The following FER1L6 variants were observed in gnomAD, a reference collection of about 807,000 sequenced individuals.
FER1L6 encodes fer-1 like family member 6.
In FER1L6, 177 loss-of-function variants were observed where a neutral mutation model predicts 219.2. The ratio of observed to expected loss-of-function variants is 0.81; its 90% CI spans 0.71 to 0.91. The LOEUF (loss-of-function observed/expected upper bound fraction) is 0.91, where lower values mean the gene tolerates loss of function less well. Ranked by LOEUF, FER1L6 falls within the 40% of genes least tolerant of loss-of-function variation. FER1L6 has a pLI of 0.00. For synonymous variants in FER1L6, 768 were observed against 824.3 expected (o/e 0.93, Z 1.17); for missense variants, 2,153 against 2,259.9 (o/e 0.95, Z 0.96).
At chr8:124,027,490 G>C (rs756648833) in intron 18 of FER1L6, among the ~76,000 whole-genome samples, 1 of 152,174 alleles carries the variant, frequency 6.6e-6, no homozygotes, top group African/African-American at 2.4e-5. Context: ...AGAGGACATT[G>C]CTGTAATTTT....
chr8:124,066,291 G>A, intron 26 of FER1L6, 137 bp from the exon 27 acceptor site: 1 of 862,256 alleles, frequency 1.2e-6, no homozygotes, highest in South Asian at 1.7e-5. Context: ...ACAGAGAGCT[G>A]CTATCACAAA....
At chr8:123,873,955 G>A (rs146647388) in intron 1 of FER1L6, among the ~76,000 whole-genome samples, 224 of 152,222 alleles carry the variant, frequency 1.5e-3, no homozygotes, top group African/African-American at 5.2e-3. Context: ...TACCCCTCAT[G>A]CCACTCATAT....
intron 36 of FER1L6, 141 bp from the exon 37 acceptor site, chr8:124,097,644 A>G (rs1335884256): frequency 1.1e-5 from 7 of 621,690 alleles, no homozygotes; most frequent in African/African-American, 1.9e-5. Context: ...TTCTGACAGA[A>G]CCAAGCCCCT....
rs116976146 is a variant in FER1L6 at position 124,068,175 on chromosome 8, T to C, written c.3718+369T>C. Among the ~76,000 whole-genome samples, 42 of 152,318 alleles carry C rather than the reference T, an allele frequency of 2.8e-4. No homozygotes were observed. The East Asian group carries it at 6.4e-3, about 23-fold the overall frequency. ...CCAAAACTCAGTCTACAGGATTGGATAGATCTTGTTTGGCAGAAAGTCAGA... is the reference window on the plus strand; with the variant it reads ...CCAAAACTCAGTCTACAGGATTGGACAGATCTTGTTTGGCAGAAAGTCAGA... On this transcript the variant is annotated intron_variant, in intron 28 of 40. Coordinates refer to ENST00000522917, the MANE Select transcript of FER1L6 (RefSeq NM_001039112.2).
chr8:124,085,541 CTT>C (rs1394239944), intron 33 of FER1L6, among the ~76,000 whole-genome samples: 3 of 151,114 alleles, frequency 2.0e-5, no homozygotes, highest in Non-Finnish European at 3.0e-5. Context: ...CCAAAATTCT[CTT>C]GTTATCGATT....
At chr8:124,062,163 G>C in intron 25 of FER1L6, 131 bp downstream of exon 25, 1 of 908,932 alleles carries the variant, frequency 1.1e-6, no homozygotes, top group Non-Finnish European at 1.7e-6. Context: ...TGATGAGCTT[G>C]CTCCTGCAGG....
chr8:124,117,972 T>C (rs1441958953), intron 39 of FER1L6, among the ~76,000 whole-genome samples: 1 of 152,182 alleles, frequency 6.6e-6, no homozygotes, highest in African/African-American at 2.4e-5. Flanking sequence ...TCCTACCAGC[T>C]CTGCCTCCCT....
intron 1 of FER1L6, among the ~76,000 whole-genome samples, chr8:123,911,845 C>T (rs1586457530): frequency 6.6e-6 from 1 of 152,240 alleles, no homozygotes; most frequent in South Asian, 2.1e-4. Flanking sequence ...TTTCCATGCT[C>T]TTGTGCAAAC....
intron 39 of FER1L6, among the ~76,000 whole-genome samples, chr8:124,114,384 G>A (rs1457302177): frequency 6.6e-6 from 1 of 151,894 alleles, no homozygotes; most frequent in Non-Finnish European, 1.5e-5. Flanking sequence ...CAAATATGTT[G>A]TAAGCTCCAT....
chr8:123,932,708 C>T (rs1319801531), intron 1 of FER1L6, among the ~76,000 whole-genome samples: 1 of 152,174 alleles, frequency 6.6e-6, no homozygotes, highest in Non-Finnish European at 1.5e-5. Flanking sequence ...CAACTTACAG[C>T]TTCTCTGGGC....
rs758308532 is a variant in FER1L6, at chr8:124,066,407, C to T, written c.3556-21C>T. On this transcript the variant is annotated intron_variant, in intron 26 of 40. Transcript: ENST00000522917. ...GCCAAATGAGGTTGAACTAATAACC[C>T]ATTCCCTCATCCCTTGCCAGGATCC... 6.2e-6 allele frequency: 10 copies of T among 1,611,080 alleles called. No individual in the cohort carries two copies. The Admixed American group carries it at 1.5e-4, about 24-fold the overall frequency.
At chr8:124,088,045 G>GCC (rs1421376877) in intron 33 of FER1L6, among the ~76,000 whole-genome samples, 1 of 152,158 alleles carries the variant, frequency 6.6e-6, no homozygotes, top group African/African-American at 2.4e-5. Flanking sequence ...AGTGACCGCT[G>GCC]CCTGGCTACC....
At chr8:124,089,691 T>C (rs2130938859) in intron 33 of FER1L6, among the ~76,000 whole-genome samples, 1 of 152,344 alleles carries the variant, frequency 6.6e-6, no homozygotes, top group Non-Finnish European at 1.5e-5. Context: ...TCATTGAAAT[T>C]AGAAAACACA....
intron 1 of FER1L6, among the ~76,000 whole-genome samples, chr8:123,854,313 C>T (rs1336765763): frequency 5.3e-5 from 8 of 152,164 alleles, no homozygotes; most frequent in Admixed American, 5.2e-4. Context: ...CCCTCTAGAT[C>T]ATTCCAAGCT....
chr8:124,117,856 T>C (rs529183708), intron 39 of FER1L6, among the ~76,000 whole-genome samples: 2 of 152,290 alleles, frequency 1.3e-5, no homozygotes, highest in African/African-American at 4.8e-5. Context: ...GATTTTTGTA[T>C]TGGGGTAAGA....
At chr8:123,930,697 G>A (rs553536824) in intron 1 of FER1L6, among the ~76,000 whole-genome samples, 1 of 152,294 alleles carries the variant, frequency 6.6e-6, no homozygotes, top group Admixed American at 6.5e-5. Flanking sequence ...CTTTAAAATA[G>A]GGATGACACT....
chr8:123,883,470 C>T lies in FER1L6; in HGVS notation c.-8+31285C>T, dbSNP rs184890400. Among the ~76,000 whole-genome samples the T allele has an allele frequency of 4.3e-4, 66 of 152,276 alleles. 1 individual carries two copies. The highest frequency in any genetic ancestry group is 2.0e-3 in the Admixed American group (31 of 15,298). ...AACTTTACAGAAGGCCTTGTATGCA[C>T]AGTAAACACTCAGTGGATGTTTGTT... On this transcript the variant is annotated intron_variant, in intron 1 of 40. Transcript: ENST00000522917.
At chr8:123,867,923 T>A (rs1816861819) in intron 1 of FER1L6, among the ~76,000 whole-genome samples, 1 of 152,246 alleles carries the variant, frequency 6.6e-6, no homozygotes, top group Non-Finnish European at 1.5e-5. Context: ...GGTCCTGTTC[T>A]GCTCTCTACC....
chr8:123,875,426 T>A (rs1026918483), intron 1 of FER1L6, among the ~76,000 whole-genome samples: 1 of 152,200 alleles, frequency 6.6e-6, no homozygotes, highest in African/African-American at 2.4e-5. Flanking sequence ...TTTTCAACTT[T>A]AAAAAGTTGA....
Sources: allele counts gnomAD v4.1 joint callset (sites outside exome capture counted in the v4.1 genomes callset), GRCh38; gene constraint gnomAD v4.1.1; transcripts MANE v1.5; gene names NCBI Gene and HGNC (gene_info 2026-07-23, HGNC 2026-07-21).